The following TMEM25 variants were observed in gnomAD, a reference collection of about 807,000 sequenced individuals.
The protein encoded by TMEM25 is transmembrane protein 25, also known as 0610039J01Rik.
Under a neutral mutation model 37.0 loss-of-function variants are expected in TMEM25, and 36 were observed. The observed-to-expected ratio is 0.97, with a 90% confidence interval of 0.75 to 1.28. The LOEUF is 1.28. TMEM25 is among the 50% of genes most tolerant of loss of function. The probability of loss-of-function intolerance (pLI) is 0.00; values close to 1 mark genes in which losing one functional copy is unlikely to be tolerated. For missense variants in TMEM25, 444 were observed against 477.9 expected (o/e 0.93, Z 0.66); for synonymous variants, 197 against 203.7 (o/e 0.97, Z 0.28).
rs199928076 is a variant in TMEM25, at chr11:118,534,143, C to T, written c.937+14C>T. ...CAGATTCCAGAGGTATATCTAGGGC[C>T]CTGCTCTTTGCCCCTGCTTAATCTC... On this transcript the variant is annotated intron_variant, in intron 7 of 8. Coordinates refer to ENST00000313236, the MANE Select transcript of TMEM25 (RefSeq NM_032780.4). This position sits in a 1 kb window ranked among gnomAD's most constrained non-coding sequence, Gnocchi z 4.6. 4 of 1,613,810 alleles carry T rather than the reference C, an allele frequency of 2.5e-6. No individual in the cohort carries two copies. In the African/African-American group the frequency reaches 5.3e-5, roughly 22 times the overall value.
At chr11:118,532,595 A>C in intron 3 of TMEM25, 134 bp downstream of exon 3, 1 of 1,045,514 alleles carries the variant, frequency 9.6e-7, no homozygotes, top group Non-Finnish European at 1.4e-6. Context: ...TGATCCTCTG[A>C]GTAACCCCAT....
chr11:118,533,965 T>A (rs1275840934), intron 6 of TMEM25, 64 bp from the exon 7 acceptor site: 2 of 1,613,546 alleles, frequency 1.2e-6, no homozygotes, highest in African/African-American at 2.7e-5. Context: ...GGGTTTCTGG[T>A]AGAGGCAGCC....
downstream of TMEM25, among the ~76,000 whole-genome samples, chr11:118,539,029 G>C (rs192362574): frequency 6.6e-5 from 10 of 152,032 alleles, no homozygotes; most frequent in Admixed American, 3.9e-4. Flanking sequence ...AATAGTTTGT[G>C]AATATTTTCT....
At chr11:118,531,968 C>G in intron 2 of TMEM25, 97 bp downstream of exon 2, 1 of 1,442,410 alleles carries the variant, frequency 6.9e-7, no homozygotes, top group South Asian at 1.3e-5. Context: ...CTCCAGGCCC[C>G]AAGCCCTGGA....
rs117311299 is a variant in TMEM25 at position 118,545,675 on chromosome 11, G to A, written c.1028-444G>A. 1,089 of 1,223,588 alleles carry A rather than the reference G, an allele frequency of 8.9e-4. 5 individuals carry two copies. Among genetic ancestry groups the A allele is most frequent in the East Asian group, 6.1e-3 (262 of 42,998 alleles). 75.8% of individuals were successfully genotyped at this position (1,223,588 alleles called of 1,614,324 possible). A position where few individuals can be genotyped will look rare whatever the true frequency, so the allele number is the denominator to read the frequency against. On this transcript the variant is annotated intron_variant, in intron 8 of 8. Coordinates refer to the TMEM25 transcript ENST00000354284. Reference sequence around the variant, plus strand: ...TTTGAGTGCTGCCAAAGAGCACAACGGGCTTAAAGTGAAGGCTGAAACTCA... The same window carrying A: ...TTTGAGTGCTGCCAAAGAGCACAACAGGCTTAAAGTGAAGGCTGAAACTCA...
chr11:118,531,294 C>A (rs946382366), intron 1 of TMEM25, 60 bp downstream of exon 1: 6 of 346,380 alleles, frequency 1.7e-5, no homozygotes, highest in South Asian at 1.7e-4. Context: ...ACCCTCCGAC[C>A]CTCTCCTCTT....
In TMEM25 at chr11:118,543,495, T is replaced by C. The variant is rs115839153; in HGVS notation, c.1028-2624T>C. On this transcript the variant is annotated intron_variant, in intron 8 of 8. Coordinates refer to the TMEM25 transcript ENST00000354284. ...TTGTAACCAATTTATCATATTATTA[T>C]ATATTTTTTTGAGAAAGAGTTTTGC... 5.4e-3 allele frequency among the ~76,000 whole-genome samples: 822 copies of C among 152,242 alleles called. 11 individuals carry two copies. Among genetic ancestry groups the C allele is most frequent in the African/African-American group, 0.019 (770 of 41,524 alleles).
intron 8 of TMEM25, among the ~76,000 whole-genome samples, chr11:118,543,807 CCCT>C (rs1470909347): frequency 6.8e-6 from 1 of 147,226 alleles, no homozygotes; most frequent in Non-Finnish European, 1.5e-5. Flanking sequence ...ATTAAACACC[CCCT>C]TTTTTTTTTT....
chr11:118,537,708 AC>A (rs1228228846), downstream of TMEM25, among the ~76,000 whole-genome samples: 1 of 152,184 alleles, frequency 6.6e-6, no homozygotes, highest in Non-Finnish European at 1.5e-5. Context: ...TTTTGGAGAT[AC>A]CCGGAAGTAG....
At chr11:118,546,609 G>A (rs1430217253), downstream of TMEM25, 1 of 163,314 alleles carries the variant, frequency 6.1e-6, no homozygotes, top group Non-Finnish European at 1.3e-5. Flanking sequence ...AAGCCACTCA[G>A]TCTATGGTAC....
rs149288762 is a variant in TMEM25 at position 118,544,113 on chromosome 11, C to T, written c.1028-2006C>T. ...GTGAGCCACTGTGCCTGGCTAAACA[C>T]CCTTTGTTAGAAATAACTAGCATGG... On this transcript the variant is annotated intron_variant, in intron 8 of 8. Coordinates refer to the TMEM25 transcript ENST00000354284. Among the ~76,000 whole-genome samples the T allele has an allele frequency of 6.4e-3, 973 of 152,270 alleles. 9 individuals are homozygous for T. Among genetic ancestry groups the T allele is most frequent in the African/African-American group, 0.021 (879 of 41,566 alleles).
chr11:118,545,304 G>T, intron 8 of TMEM25: 2 of 874,382 alleles, frequency 2.3e-6, no homozygotes, highest in South Asian at 3.1e-5. Context: ...TAACTGGGCA[G>T]AGACATCCTA....
rs539153923 is a variant in TMEM25, at chr11:118,534,235, C to A, written c.938-31C>A. 1 of 1,613,870 alleles carries A rather than the reference C, an allele frequency of 6.2e-7. No homozygotes were observed. Among genetic ancestry groups the A allele is most frequent in the Non-Finnish European group, 8.5e-7 (1 of 1,179,786 alleles). ...GCGAGGCCTCATCAGGCACACTCCT[C>A]GTCCTGAACACTGCCCTCTTTGTCA... On this transcript the variant is annotated intron_variant, in intron 7 of 8. Transcript: ENST00000313236. This position sits in a 1 kb window ranked among gnomAD's most constrained non-coding sequence, Gnocchi z 4.6.
Position 118,531,864 on chromosome 11 carries a change from G to A in TMEM25, c.63G>A (p.Leu21=). The A allele has an allele frequency of 6.4e-7, 1 of 1,551,660 alleles. No homozygotes were observed. The change falls in exon 2 of 9, where the codon CTG becomes CTA. Residue 21 remains leucine (L), a synonymous_variant. Coordinates refer to ENST00000313236, the MANE Select transcript of TMEM25 (RefSeq NM_032780.4). ...RHTLLLLPAL[L]SSGWGELEPQ... is the part of the protein sequence containing the mutation. ...CACTGCTGCTCCTGCCAGCCCTTCT[G>A]AGCTCAGGTACACCCCTGTTCAGTC...
At chr11:118,545,074 A>G in intron 8 of TMEM25, 2 of 1,189,366 alleles carry the variant, frequency 1.7e-6, no homozygotes, top group Non-Finnish European at 2.5e-6. Flanking sequence ...TATTTTAACA[A>G]GAATTAATTT....
chr11:118,545,717 G>T, intron 8 of TMEM25: 2 of 1,449,248 alleles, frequency 1.4e-6, no homozygotes, highest in Non-Finnish European at 1.9e-6. Flanking sequence ...TATCTTCCCA[G>T]AGTAAACAAG....
chr11:118,532,152 T>TG lies in TMEM25; in HGVS notation c.79dup (p.Glu27GlyfsTer13), dbSNP rs782404272. 7 of 1,559,548 alleles carry TG rather than the reference T, an allele frequency of 4.5e-6. No individual in the cohort carries two copies. In the African/African-American group the frequency reaches 5.4e-5, roughly 12 times the overall value. On this transcript the variant is annotated frameshift_variant, in exon 3 of 9. Transcript: ENST00000313236. LOFTEE classifies it high-confidence loss of function. ...AGAGGCCTCCTGCTGTGTTCCAGGT[T>TG]GGGGGGAGTTGGAGCCACAAATAGA...
In TMEM25 at chr11:118,535,158, G is replaced by A. The variant is rs912601261; in HGVS notation, c.*578G>A. ...CACAAACGTCCTTTTTGCTGCACAC[G>A]TCTCTGCCCTTCACTTCTTCTCTTC... is the stretch of plus-strand genomic sequence containing the variant. On this transcript the variant is annotated 3_prime_UTR_variant, in exon 9 of 9. Coordinates refer to ENST00000313236, the MANE Select transcript of TMEM25 (RefSeq NM_032780.4). 6 of 1,040,536 alleles carry A rather than the reference G, an allele frequency of 5.8e-6. No homozygotes were observed. Among genetic ancestry groups the A allele is most frequent in the African/African-American group, 3.4e-5 (2 of 59,150 alleles). The allele number at this position is 1,040,536 out of a possible 1,614,324, so 64.5% of individuals were successfully genotyped here.
In TMEM25 at chr11:118,535,391, C is replaced by G. The variant is rs1187526455; in HGVS notation, c.*811C>G. On this transcript the variant is annotated 3_prime_UTR_variant, in exon 9 of 9. Transcript: ENST00000313236. The stretch of plus-strand genomic sequence containing the variant: ...CGGCGTTAGCACTTTAAGCACATCC[C>G]CTAGGGGAGGGGGTGAGTGAGGGGC... 2.1e-6 allele frequency: 3 copies of G among 1,426,300 alleles called. No individual in the cohort carries two copies. The highest frequency in any genetic ancestry group is 2.9e-5 in the African/African-American group (2 of 69,576). 88.4% of individuals were successfully genotyped at this position (1,426,300 alleles called of 1,614,324 possible).
Sources: allele counts gnomAD v4.1 joint callset (sites outside exome capture counted in the v4.1 genomes callset), GRCh38; gene constraint gnomAD v4.1.1; non-coding constraint Gnocchi (gnomAD v3.1); transcripts MANE v1.5; gene names NCBI Gene and HGNC (gene_info 2026-07-23, HGNC 2026-07-21).